The following RGS6 variants were observed in gnomAD, a reference collection of about 807,000 sequenced individuals.
The protein encoded by RGS6 is regulator of G-protein signaling 6.
A neutral mutation model predicts 78.5 loss-of-function variants in RGS6; 30 were observed. That is an observed-to-expected ratio of 0.38 (90% CI 0.29 to 0.52). The LOEUF (loss-of-function observed/expected upper bound fraction) is 0.52. Among genes scored for constraint, RGS6 ranks in the 20% least tolerant of loss-of-function variants. The pLI, the probability that RGS6 is intolerant of heterozygous loss-of-function variation, is 0.85. For missense variants in RGS6, 495 were observed against 609.7 expected (o/e 0.81, Z 1.98); for synonymous variants, 206 against 206.0 (o/e 1.00, Z 0.00).
At chr14:72,513,068 T>C (rs1490100307) in intron 14 of RGS6, among the ~76,000 whole-genome samples, 1 of 152,220 alleles carries the variant, frequency 6.6e-6, no homozygotes, top group African/African-American at 2.4e-5. Context: ...GCCACTGGCA[T>C]TGGAGCATGG....
At chr14:71,985,119 TTTATTTTTA>T (rs1378132928) in intron 2 of RGS6, among the ~76,000 whole-genome samples, 1 of 152,162 alleles carries the variant, frequency 6.6e-6, no homozygotes, top group African/African-American at 2.4e-5. Context: ...CATAGTTTTA[TTTATTTTTA>T]TTATTTTTAA....
intron 3 of RGS6, among the ~76,000 whole-genome samples, chr14:72,443,315 G>T (rs1445548873): frequency 6.6e-6 from 1 of 152,212 alleles, no homozygotes; most frequent in South Asian, 2.1e-4. Flanking sequence ...TAAGATCTTT[G>T]CTCAAGAACT....
At chr14:72,271,855 G>T (rs1045099707) in intron 2 of RGS6, among the ~76,000 whole-genome samples, 1 of 151,578 alleles carries the variant, frequency 6.6e-6, no homozygotes, top group Non-Finnish European at 1.5e-5. Flanking sequence ...GCATTCCTTG[G>T]CTCTTTGCCC....
intron 1 of RGS6, among the ~76,000 whole-genome samples, chr14:71,952,504 C>A (rs980327052): frequency 2.0e-5 from 3 of 151,798 alleles, no homozygotes; most frequent in African/African-American, 7.3e-5. Context: ...TGGACTGTTA[C>A]AAGTTAGATC....
intron 2 of RGS6, among the ~76,000 whole-genome samples, chr14:71,991,888 G>A (rs1419442930): frequency 6.6e-6 from 1 of 152,222 alleles, no homozygotes; most frequent in Non-Finnish European, 1.5e-5. Context: ...GCTGTTATAA[G>A]TGCAGAAGCA....
At chr14:72,550,329 G>GGGAA in intron 17 of RGS6, 4 of 742,692 alleles carry the variant, frequency 5.4e-6, no homozygotes, top group Non-Finnish European at 7.0e-6. Context: ...GTGGGGGAGA[G>GGGAA]GGAAGGCAGG....
the RGS6 span, among the ~76,000 whole-genome samples, chr14:72,602,802 T>C: frequency 2.0e-5 from 3 of 152,232 alleles, no homozygotes; most frequent in Admixed American, 1.3e-4. Context: ...CTAATGATTT[T>C]ATGGCACAAC....
At chr14:72,148,952 A>C (rs116016333) in intron 2 of RGS6, among the ~76,000 whole-genome samples, 77 of 152,346 alleles carry the variant, frequency 5.1e-4, no homozygotes, top group African/African-American at 1.8e-3. Context: ...GCTTAAAACA[A>C]CATTTACTGT....
chr14:72,619,425 C>G, the RGS6 span: 1 of 1,510,038 alleles, frequency 6.6e-7, no homozygotes, highest in South Asian at 1.2e-5. Context: ...GAGCCCCACC[C>G]CACTGGCCCT....
chr14:72,101,358 A>C (rs906978229), intron 2 of RGS6, among the ~76,000 whole-genome samples: 1 of 152,344 alleles, frequency 6.6e-6, no homozygotes, highest in Non-Finnish European at 1.5e-5. Flanking sequence ...ATGAAACTCA[A>C]AAGTAAGCAT....
chr14:72,364,206 T>C (rs1173192582), intron 3 of RGS6, among the ~76,000 whole-genome samples: 11 of 151,998 alleles, frequency 7.2e-5, no homozygotes, highest in Non-Finnish European at 1.5e-5. Flanking sequence ...CCAGCACAGC[T>C]CAGGCTGGTG....
At chr14:72,019,196 C>A (rs1277847993) in intron 2 of RGS6, among the ~76,000 whole-genome samples, 1 of 152,064 alleles carries the variant, frequency 6.6e-6, no homozygotes, top group Non-Finnish European at 1.5e-5. Context: ...CAGAGCCAGG[C>A]CAAAAACCCC....
intron 15 of RGS6, among the ~76,000 whole-genome samples, chr14:72,532,372 T>C (rs1458547734): frequency 2.6e-5 from 4 of 152,122 alleles, no homozygotes; most frequent in Non-Finnish European, 5.9e-5. Context: ...AATCAGCCAT[T>C]CCCCCATCTC....
At chr14:72,032,267 A>G (rs1010084866) in intron 2 of RGS6, among the ~76,000 whole-genome samples, 1 of 152,224 alleles carries the variant, frequency 6.6e-6, no homozygotes, top group African/African-American at 2.4e-5. Context: ...ATTGCTTTCC[A>G]AAAGAATTAT....
At chr14:72,077,631 CTT>C (rs909549870) in intron 2 of RGS6, among the ~76,000 whole-genome samples, 1 of 151,900 alleles carries the variant, frequency 6.6e-6, no homozygotes. Context: ...ATCTGCCTGT[CTT>C]TTTTTTGTGC....
At position 72,048,504 on chromosome 14, in the gene RGS6, T is replaced by A. The variant is rs144997832; in HGVS notation, c.84+83629T>A. Among the ~76,000 whole-genome samples, 430 of 152,316 alleles carry A rather than the reference T, an allele frequency of 2.8e-3. 6 individuals carry two copies. Among genetic ancestry groups the A allele is most frequent in the African/African-American group, 9.8e-3 (409 of 41,570 alleles). On this transcript the variant is annotated intron_variant, in intron 2 of 17. Transcript: ENST00000553525. ...GAGGCAGTATGAAATGAAGGACTTT[T>A]CTGGGCTGATTTTCCTTTTGAATCA...
At chr14:71,927,439 GA>G (rs1396793675), upstream of RGS6, among the ~76,000 whole-genome samples, 4 of 151,220 alleles carry the variant, frequency 2.6e-5, no homozygotes, top group East Asian at 5.8e-4. Flanking sequence ...ATTGCAAAGA[GA>G]AAAAAAAATC....
At chr14:72,430,516 T>C (rs909329081) in intron 3 of RGS6, among the ~76,000 whole-genome samples, 1 of 152,176 alleles carries the variant, frequency 6.6e-6, no homozygotes, top group African/African-American at 2.4e-5. Flanking sequence ...ACGTTCACCT[T>C]TGTTGGCTGC....
At position 71,984,298 on chromosome 14, in the gene RGS6, T is replaced by TAA. The variant is rs59180817; in HGVS notation, c.84+19446_84+19447dup. Among the ~76,000 whole-genome samples, 345 of 119,926 alleles carry TAA rather than the reference T, an allele frequency of 2.9e-3. 1 individual carries two copies. Among genetic ancestry groups the TAA allele is most frequent in the Middle Eastern group, 4.6e-3 (1 of 218 alleles). The allele number at this position is 119,926 out of a possible 152,430, so 78.7% of individuals were successfully genotyped here. On this transcript the variant is annotated intron_variant, in intron 2 of 17. Coordinates refer to ENST00000553525, the MANE Select transcript of RGS6 (RefSeq NM_001204424.2). ...TTTTGGGGAAGAAACTGAATTATGTTAAAAAAAAAAAAAAAAAAAAAAAAC... is the reference window on the plus strand; with the variant it reads ...TTTTGGGGAAGAAACTGAATTATGTTAAAAAAAAAAAAAAAAAAAAAAAAAAC...
Sources: gnomAD v4.1 joint callset for allele counts (sites outside exome capture counted in the v4.1 genomes callset) on GRCh38, gnomAD v4.1.1 for gene constraint, MANE v1.5 for transcripts, NCBI Gene and HGNC (gene_info 2026-07-23, HGNC 2026-07-21) for gene names.